Variants in ANO6 observed in about 807,000 individuals in gnomAD.
ANO6 encodes anoctamin-6.
A neutral mutation model predicts 117.5 loss-of-function variants in ANO6; 106 were observed. The ratio of observed to expected loss-of-function variants is 0.90; its 90% CI spans 0.77 to 1.06. ANO6 has a LOEUF of 1.06. ANO6 is among the 50% of genes least tolerant of loss of function. The pLI is 0.00. For missense variants in ANO6, 955 were observed against 1,121.1 expected, an observed-to-expected ratio of 0.85 and a Z score of 2.12; for synonymous variants, 367 against 385.1, an observed-to-expected ratio of 0.95 and a Z score of 0.55.
At position 45,421,194 on chromosome 12, in the gene ANO6, T is replaced by A; in HGVS notation, c.2341T>A (p.Ser781Thr). 1 of 1,614,156 alleles carries A rather than the reference T, an allele frequency of 6.2e-7. No individual in the cohort carries two copies. Among genetic ancestry groups the A allele is most frequent in the Non-Finnish European group, 8.5e-7 (1 of 1,180,016 alleles). Residue 781 changes from serine to threonine, a missense_variant, in exon 18 of 20, where the codon TCC (serine) becomes ACC (threonine). By Grantham distance (58) the Ser-to-Thr change is moderately conservative (BLOSUM62 1). Transcript: ENST00000320560. ...TMEGYINNTLSIFKVADFKNK... is the reference protein window; with the variant it reads ...TMEGYINNTLTIFKVADFKNK... ...GGAAGGGTACATCAACAACACTCTC[T>A]CCATCTTCAAAGTCGCAGACTTCAA...
chr12:45,406,528 A>G (rs1942939086), intron 15 of ANO6, among the ~76,000 whole-genome samples: 1 of 152,152 alleles, frequency 6.6e-6, no homozygotes, highest in Non-Finnish European at 1.5e-5. Flanking sequence ...TCCTTTATAT[A>G]CATTTATACA....
rs112133934 is a variant in ANO6, at chr12:45,307,455, G to C, written c.150+5362G>C. Among the ~76,000 whole-genome samples the C allele has an allele frequency of 8.0e-3, 1,217 of 152,258 alleles. 15 individuals carry two copies. Among genetic ancestry groups the C allele is most frequent in the African/African-American group, 0.028 (1,173 of 41,546 alleles). The stretch of plus-strand genomic sequence containing the variant: ...GGAATGACTCTAAGTTTTTGACCCA[G>C]AAGTCTGTGGAAGGAGCAGTTTGGG... On this transcript the variant is annotated intron_variant, in intron 2 of 19. Coordinates refer to ENST00000320560, the MANE Select transcript of ANO6 (RefSeq NM_001025356.3).
chr12:45,279,557 T>C (rs185446275), intron 1 of ANO6, among the ~76,000 whole-genome samples: 1 of 152,348 alleles, frequency 6.6e-6, no homozygotes, highest in Non-Finnish European at 1.5e-5. Flanking sequence ...AACAAATTTC[T>C]GTGTGACCTC....
At chr12:45,369,536 T>G (rs539349739) in intron 9 of ANO6, among the ~76,000 whole-genome samples, 1 of 152,142 alleles carries the variant, frequency 6.6e-6, no homozygotes, top group South Asian at 2.1e-4. Flanking sequence ...AATTCTATTC[T>G]AGTTTCCTGA....
At chr12:45,254,030 G>A (rs1217576166) in intron 1 of ANO6, among the ~76,000 whole-genome samples, 1 of 152,152 alleles carries the variant, frequency 6.6e-6, no homozygotes, top group East Asian at 1.9e-4. Flanking sequence ...AGCTGGGCAT[G>A]GTGGTGTGCG....
At chr12:45,257,500 T>G (rs1457726649) in intron 1 of ANO6, among the ~76,000 whole-genome samples, 3 of 152,220 alleles carry the variant, frequency 2.0e-5, no homozygotes, top group Non-Finnish European at 4.4e-5. Flanking sequence ...CCCTTCTGTG[T>G]GCTCTCTGTG....
Position 45,366,115 on chromosome 12 carries a change from G to GT in ANO6, c.999-1556dup, listed in dbSNP as rs5797942. Among the ~76,000 whole-genome samples the GT allele has an allele frequency of 5.2e-3, 703 of 134,630 alleles. 4 individuals carry two copies. Among genetic ancestry groups the GT allele is most frequent in the Middle Eastern group, 0.015 (4 of 266 alleles). 88.3% of individuals were successfully genotyped at this position (134,630 alleles called of 152,430 possible). ...GGGAGCAGCGTGCAATGTTACTTGG[G>GT]TTTTTTTTTTTTTTTTTGGTATTAA... On this transcript the variant is annotated intron_variant, in intron 8 of 19. Coordinates refer to ENST00000320560, the MANE Select transcript of ANO6 (RefSeq NM_001025356.3).
Position 45,431,887 on chromosome 12 carries a change from T to TTGAA in ANO6, c.*2577_*2580dup. 1.1e-5 allele frequency: 11 copies of TTGAA among 985,436 alleles called. No individual in the cohort carries two copies. Among genetic ancestry groups the TTGAA allele is most frequent in the Non-Finnish European group, 1.3e-5 (11 of 829,932 alleles). The allele number at this position is 985,436 out of a possible 1,614,324, so 61.0% of individuals were successfully genotyped here. On this transcript the variant is annotated 3_prime_UTR_variant, in exon 20 of 20. Transcript: ENST00000320560. ...TTTAATGCCTGTGAATTTTAGCATATTGAAACATTAGAGCAAATACTCAGG... is the reference window on the plus strand; with the variant it reads ...TTTAATGCCTGTGAATTTTAGCATATTGAATGAAACATTAGAGCAAATACTCAGG...
intron 2 of ANO6, among the ~76,000 whole-genome samples, chr12:45,306,892 C>G (rs1403873453): frequency 6.6e-6 from 1 of 151,820 alleles, no homozygotes; most frequent in Non-Finnish European, 1.5e-5. Context: ...CTGAGAAGTT[C>G]CAAGTGAAAA....
Position 45,423,038 on chromosome 12 carries a change from GCTGGC to G in ANO6, c.2503_2507del (p.Leu835PhefsTer44). The G allele has an allele frequency of 6.2e-7, 1 of 1,613,812 alleles. No homozygotes were observed. The highest frequency in any genetic ancestry group is 8.5e-7 in the Non-Finnish European group (1 of 1,179,668). On this transcript the variant is annotated frameshift_variant, in exon 19 of 20. Transcript: ENST00000320560. LOFTEE classifies it high-confidence loss of function. ...ACTATTGGCATGTGATTGCAGCCAA[GCTGGC>G]TTTTATCATTGTCATGGAGGTAGGA...
In ANO6 at chr12:45,292,608, G is replaced by T. The variant is rs575077074; in HGVS notation, c.71-9406G>T. ...GTAATCCAGTTGTGTGTGAGAATCA[G>T]TAATGTGATAGTTGTTTCCAGCTCT... On this transcript the variant is annotated intron_variant, in intron 1 of 19. Coordinates refer to ENST00000320560, the MANE Select transcript of ANO6 (RefSeq NM_001025356.3). The T allele has an allele frequency of 6.4e-6, 7 of 1,090,874 alleles. No homozygotes were observed. In the South Asian group the frequency reaches 2.4e-4, roughly 37 times the overall value. 67.6% of individuals were successfully genotyped at this position (1,090,874 alleles called of 1,614,324 possible). A position where few individuals can be genotyped will look rare whatever the true frequency, so the allele number is the denominator to read the frequency against.
chr12:45,240,240 GTTC>G (rs757527174), intron 1 of ANO6, among the ~76,000 whole-genome samples: 29 of 150,432 alleles, frequency 1.9e-4, no homozygotes, highest in Non-Finnish European at 2.2e-4. Flanking sequence ...AAGAGAGTTA[GTTC>G]TTCTTGTTGA....
chr12:45,337,548 A>G (rs1940862041), intron 3 of ANO6, among the ~76,000 whole-genome samples: 1 of 152,148 alleles, frequency 6.6e-6, no homozygotes, highest in Non-Finnish European at 1.5e-5. Context: ...GAATGAATTT[A>G]TAATTTATTA....
chr12:45,349,265 G>A (rs1364074094), intron 6 of ANO6, among the ~76,000 whole-genome samples: 2 of 152,028 alleles, frequency 1.3e-5, no homozygotes, highest in Admixed American at 6.6e-5. Flanking sequence ...TTTTCAAACT[G>A]TCCCCTGGAA....
At chr12:45,409,557 G>T (rs1943033333) in intron 16 of ANO6, 70 bp downstream of exon 16, 2 of 1,521,488 alleles carry the variant, frequency 1.3e-6, no homozygotes, top group Admixed American at 3.3e-5. Context: ...AAAAGCATCT[G>T]TTATTGAGCC....
chr12:45,422,254 C>T (rs12819619), intron 18 of ANO6, among the ~76,000 whole-genome samples: 23,483 of 152,100 alleles, frequency 0.15, 2,798 homozygotes, highest in East Asian at 0.36. Context: ...AAGCAGATAG[C>T]ACTCTGTATG....
intron 16 of ANO6, among the ~76,000 whole-genome samples, chr12:45,415,249 G>A (rs1943185739): frequency 6.6e-6 from 1 of 152,098 alleles, no homozygotes; most frequent in African/African-American, 2.4e-5. Flanking sequence ...TATCATAGTG[G>A]TCTTAGTTTT....
intron 16 of ANO6, among the ~76,000 whole-genome samples, chr12:45,415,258 T>G (rs1943186217): frequency 6.6e-6 from 1 of 152,198 alleles, no homozygotes; most frequent in Non-Finnish European, 1.5e-5. Flanking sequence ...GGTCTTAGTT[T>G]TCTCATTAAT....
intron 3 of ANO6, among the ~76,000 whole-genome samples, chr12:45,336,908 A>C (rs1369096735): frequency 2.0e-5 from 3 of 152,086 alleles, no homozygotes; most frequent in Non-Finnish European, 4.4e-5. Context: ...CTGCCCCTGA[A>C]GACCTTCCAG....
Sources: gnomAD v4.1 joint callset for allele counts (sites outside exome capture counted in the v4.1 genomes callset) on GRCh38, gnomAD v4.1.1 for gene constraint, MANE v1.5 for transcripts, NCBI Gene and HGNC (gene_info 2026-07-23, HGNC 2026-07-21) for gene names.